The following HHAT variants were observed in gnomAD, a reference collection of about 807,000 sequenced individuals.
HHAT encodes hedgehog acyltransferase.
Under a neutral mutation model 70.8 loss-of-function variants are expected in HHAT, and 47 were observed. The observed-to-expected ratio is 0.66, with a 90% CI of 0.53 to 0.85. The LOEUF is 0.85. HHAT is among the 40% of genes least tolerant of loss of function. HHAT has a pLI of 0.00. For synonymous variants in HHAT, 228 were observed against 247.6 expected (o/e 0.92, Z 0.74); for missense variants, 609 against 604.8 (o/e 1.01, Z -0.07).
At chr1:210,606,970 C>T (rs533224085) in intron 10 of HHAT, among the ~76,000 whole-genome samples, 4 of 152,250 alleles carry the variant, frequency 2.6e-5, no homozygotes, top group African/African-American at 7.2e-5. Context: ...TTTACTGTGC[C>T]CATTGTCCCT....
At chr1:210,615,197 G>A (rs1306608953) in intron 10 of HHAT, among the ~76,000 whole-genome samples, 4 of 152,152 alleles carry the variant, frequency 2.6e-5, no homozygotes, top group Admixed American at 2.6e-4. Context: ...TCTTTTGGCT[G>A]CATTAAATGT....
Position 210,424,606 on chromosome 1 carries a change from C to G in HHAT, c.856+6281C>G, listed in dbSNP as rs2357588. ...TTTTCCCTCCTCCCACCCTCCACCC[C>G]GTGATAGGCCCCAGTGCATGTTGTT... On this transcript the variant is annotated intron_variant, in intron 7 of 11. Transcript: ENST00000261458. Among the ~76,000 whole-genome samples, 44 of 151,258 alleles carry G rather than the reference C, an allele frequency of 2.9e-4. No individual in the cohort carries two copies. The East Asian group carries it at 3.9e-3, about 13-fold the overall frequency.
intron 1 of HHAT, among the ~76,000 whole-genome samples, chr1:210,338,769 T>C: frequency 6.6e-6 from 1 of 152,190 alleles, no homozygotes; most frequent in East Asian, 1.9e-4. Context: ...CACTATGCTG[T>C]CTCCATGCCT....
At chr1:210,620,273 A>T (rs1309693471) in intron 10 of HHAT, among the ~76,000 whole-genome samples, 1 of 152,136 alleles carries the variant, frequency 6.6e-6, no homozygotes, top group Non-Finnish European at 1.5e-5. Flanking sequence ...TCCTCCTGGG[A>T]ACTTACCCCG....
chr1:210,507,080 T>C (rs1248792348), intron 8 of HHAT, among the ~76,000 whole-genome samples: 1 of 152,174 alleles, frequency 6.6e-6, no homozygotes, highest in Non-Finnish European at 1.5e-5. Context: ...TGGTTGAATA[T>C]ATGAAGGAAA....
At chr1:210,648,818 G>T (rs906439931) in intron 11 of HHAT, among the ~76,000 whole-genome samples, 2 of 152,204 alleles carry the variant, frequency 1.3e-5, no homozygotes, top group African/African-American at 4.8e-5. Context: ...ATTGCATGGA[G>T]GTCTGAATGT....
chr1:210,570,424 G>T (rs1353822671), intron 9 of HHAT, among the ~76,000 whole-genome samples: 3 of 152,168 alleles, frequency 2.0e-5, no homozygotes, highest in Non-Finnish European at 4.4e-5. Flanking sequence ...GTGGTGTTGG[G>T]CATGACAATG....
chr1:210,372,589 T>C (rs1245050443), intron 3 of HHAT, among the ~76,000 whole-genome samples: 1 of 152,188 alleles, frequency 6.6e-6, no homozygotes, highest in African/African-American at 2.4e-5. Context: ...GAAGCCTCTA[T>C]TGTCTGTCTT....
intron 3 of HHAT, among the ~76,000 whole-genome samples, chr1:210,373,988 G>C (rs184001541): frequency 6.6e-5 from 10 of 152,286 alleles, no homozygotes; most frequent in East Asian, 1.9e-4. Flanking sequence ...AAGTTACACA[G>C]ACTTTTATCA....
intron 11 of HHAT, among the ~76,000 whole-genome samples, chr1:210,673,582 ATTC>A: frequency 9.2e-6 from 1 of 108,524 alleles, no homozygotes; most frequent in South Asian, 3.2e-4. Context: ...CTAAACGTGG[ATTC>A]TTCTTTTTTT....
chr1:210,503,874 T>G (rs958803584), intron 8 of HHAT, among the ~76,000 whole-genome samples: 4 of 152,114 alleles, frequency 2.6e-5, no homozygotes, highest in Non-Finnish European at 5.9e-5. Flanking sequence ...CGCAAAAAAA[T>G]TAACTCAAAG....
chr1:210,498,335 C>G (rs1460934267), intron 8 of HHAT, among the ~76,000 whole-genome samples: 1 of 152,112 alleles, frequency 6.6e-6, no homozygotes, highest in Non-Finnish European at 1.5e-5. Context: ...GTTGAGACAA[C>G]AGTATGATTC....
At chr1:210,369,802 A>G (rs1351190842) in intron 3 of HHAT, 1 of 152,374 alleles carries the variant, frequency 6.6e-6, no homozygotes, top group Non-Finnish European at 1.5e-5. Flanking sequence ...AGGGTATAGC[A>G]TGCCTGACGA....
At chr1:210,362,997 G>A (rs1252410811) in intron 3 of HHAT, 78 bp downstream of exon 3, 15 of 1,193,766 alleles carry the variant, frequency 1.3e-5, no homozygotes, top group African/African-American at 6.0e-5. Context: ...ATTTGGAGTC[G>A]ATCCAGGTAT....
In HHAT at chr1:210,404,542, T is replaced by C; in HGVS notation, c.547T>C (p.Phe183Leu). The change falls in exon 6 of 12, where the codon TTC becomes CTC. Residue 183 changes from phenylalanine (F) to leucine (L), a missense_variant. Transcript: ENST00000261458. The stretch of plus-strand genomic sequence containing the variant: ...CGTTCGCTGCCTGTACTACACCAGC[T>C]TCAGCCTGGAGCTCTGCTGGCAGCA... The part of the protein sequence containing the change: ...LTVRCLYYTS[F>L]SLELCWQQLP... 1 of 1,613,952 alleles carries C rather than the reference T, an allele frequency of 6.2e-7. No individual in the cohort carries two copies. Among genetic ancestry groups the C allele is most frequent in the Middle Eastern group, 1.7e-4 (1 of 5,922 alleles).
chr1:210,561,930 T>G (rs941059815), intron 9 of HHAT, among the ~76,000 whole-genome samples: 20 of 152,200 alleles, frequency 1.3e-4, no homozygotes, highest in Non-Finnish European at 2.9e-5. Flanking sequence ...GCCTGACACC[T>G]GATAGTCACT....
chr1:210,505,029 G>A (rs1032668162), intron 8 of HHAT, among the ~76,000 whole-genome samples: 71 of 150,556 alleles, frequency 4.7e-4, no homozygotes, highest in African/African-American at 1.4e-3. Flanking sequence ...CTCCCAAATA[G>A]CTGGGACTAC....
At chr1:210,394,433 T>A (rs999240399) in intron 4 of HHAT, among the ~76,000 whole-genome samples, 1 of 152,080 alleles carries the variant, frequency 6.6e-6, no homozygotes, top group African/African-American at 2.4e-5. Flanking sequence ...TTGTTATGAT[T>A]GGATTGGATG....
chr1:210,564,222 C>A (rs1252129309), intron 9 of HHAT, among the ~76,000 whole-genome samples: 1 of 152,038 alleles, frequency 6.6e-6, no homozygotes, highest in East Asian at 1.9e-4. Flanking sequence ...CTCAGCCTCC[C>A]AAAGTGCTGG....
Sources: allele counts gnomAD v4.1 joint callset (sites outside exome capture counted in the v4.1 genomes callset), GRCh38; gene constraint gnomAD v4.1.1; transcripts MANE v1.5; gene names NCBI Gene and HGNC (gene_info 2026-07-23, HGNC 2026-07-21).